NCOR2: variants seen among roughly 807,000 people sequenced by gnomAD.
The protein encoded by NCOR2 is CTG repeat protein 26.
NCOR2 carries 81 observed loss-of-function variants against 262.9 expected under a neutral mutation model. That is an observed-to-expected ratio of 0.31 (90% CI 0.26 to 0.37). The LOEUF (loss-of-function observed/expected upper bound fraction) is 0.37. NCOR2 is among the 10% of genes least tolerant of loss of function. The pLI, the probability that NCOR2 is intolerant of heterozygous loss-of-function variation, is 1.00. For synonymous variants in NCOR2, 1,659 were observed against 1,559.3 expected, an observed-to-expected ratio of 1.06 and a Z score of -1.51; for missense variants, 3,385 against 3,621.4, an observed-to-expected ratio of 0.93 and a Z score of 1.68.
intron 13 of NCOR2, among the ~76,000 whole-genome samples, chr12:124,415,944 A>G (rs1037938462): frequency 3.3e-5 from 5 of 152,016 alleles, no homozygotes. Flanking sequence ...AGCAAGTAAG[A>G]GTTGTGTGGC....
intron 40 of NCOR2, 29 bp downstream of exon 42, chr12:124,335,106 A>G: frequency 6.2e-7 from 1 of 1,612,290 alleles, no homozygotes; most frequent in Non-Finnish European, 8.5e-7. Flanking sequence ...TGCAAAGGTG[A>G]CAAGCAGCAG....
intron 41 of NCOR2, among the ~76,000 whole-genome samples, chr12:124,333,790 G>T (rs1239909289): frequency 1.3e-5 from 2 of 152,222 alleles, no homozygotes; most frequent in Non-Finnish European, 2.9e-5. Context: ...GAGTGGGAGT[G>T]TGCGTGAGCA....
At chr12:124,348,261 G>A (rs2037112550) in exon 29 of NCOR2, 4 of 1,613,194 alleles carry the variant, frequency 2.5e-6, no homozygotes, top group Non-Finnish European at 3.4e-6. Flanking sequence ...TCATGGGGGG[G>A]TCCTGAGCTG....
In NCOR2 at chr12:124,327,229, T is replaced by C. The variant is rs546355259; in HGVS notation, c.7183+180A>G. Among the ~76,000 whole-genome samples, 63 of 151,914 alleles carry C rather than the reference T, an allele frequency of 4.1e-4. 1 individual carries two copies. Among genetic ancestry groups the C allele is most frequent in the African/African-American group, 1.4e-3 (57 of 41,420 alleles). On this transcript the variant is annotated intron_variant, in intron 45 of 46. Transcript: ENST00000405201. ...GCTGGGGGGCAGAGGGTACAGACACTTGGGGGGTGTCAGCCCAGCTTCAGA... is the reference window on the plus strand; with the variant it reads ...GCTGGGGGGCAGAGGGTACAGACACCTGGGGGGTGTCAGCCCAGCTTCAGA...
chr12:124,336,483 A>G (rs1593106060), intron 38 of NCOR2: 2 of 638,376 alleles, frequency 3.1e-6, no homozygotes, highest in Non-Finnish European at 4.4e-6. Flanking sequence ...GCGCGGCCGG[A>G]GTAGTCGTCA....
chr12:124,440,103 G>A lies in NCOR2; in HGVS notation c.816-2107C>T, dbSNP rs1052619953. Among the ~76,000 whole-genome samples the A allele has an allele frequency of 1.3e-5, 2 of 152,156 alleles. No individual in the cohort carries two copies. Among genetic ancestry groups the A allele is most frequent in the African/African-American group, 4.8e-5 (2 of 41,432 alleles). On this transcript the variant is annotated intron_variant, in intron 7 of 46. Transcript: ENST00000405201. This position sits in a 1 kb window ranked among gnomAD's most constrained non-coding sequence, Gnocchi z 5.7. ...GCCACAGCGACCTCAGGAGCCTGCTGTGCACCTTAACTTGCTGTCTGTCCC... is the reference window on the plus strand; with the variant it reads ...GCCACAGCGACCTCAGGAGCCTGCTATGCACCTTAACTTGCTGTCTGTCCC...
chr12:124,420,104 C>A, intron 12 of NCOR2, 49 bp from the exon 15 acceptor site: 1 of 1,515,174 alleles, frequency 6.6e-7, no homozygotes, highest in South Asian at 1.1e-5. Context: ...CACAGGCATT[C>A]AGGGCAGGAG....
intron 3 of NCOR2, among the ~76,000 whole-genome samples, chr12:124,474,228 C>T (rs1353370204): frequency 6.6e-6 from 1 of 152,270 alleles, no homozygotes; most frequent in African/African-American, 2.4e-5. Flanking sequence ...GCAGCCAACA[C>T]ACACGTGGCT....
chr12:124,345,608 G>T (rs750529049), intron 31 of NCOR2, among the ~76,000 whole-genome samples: 1 of 152,196 alleles, frequency 6.6e-6, no homozygotes, highest in South Asian at 2.1e-4. Context: ...CATTACTGTC[G>T]TAAGAAGGGG....
chr12:124,466,149 G>A, intron 5 of NCOR2, 24 bp downstream of exon 7: 2 of 1,586,126 alleles, frequency 1.3e-6, no homozygotes, highest in Admixed American at 1.7e-5. Flanking sequence ...CCGGGGGGCA[G>A]CAGGCCAGGG....
chr12:124,463,478 C>T (rs1195045296), intron 5 of NCOR2, among the ~76,000 whole-genome samples: 1 of 152,232 alleles, frequency 6.6e-6, no homozygotes, highest in Non-Finnish European at 1.5e-5. Flanking sequence ...CCGGCCCCCA[C>T]CCACGCAGGC....
chr12:124,407,010 G>C (rs1262839734), intron 13 of NCOR2, among the ~76,000 whole-genome samples: 2 of 151,926 alleles, frequency 1.3e-5, no homozygotes, highest in African/African-American at 4.8e-5. Flanking sequence ...TGCAAAGACA[G>C]AGGGAGTTTA....
Position 124,549,657 on chromosome 12 carries a change from A to T in NCOR2, c.-164-14046T>A, listed in dbSNP as rs2051651097. Reference sequence around the variant, plus strand: ...CACTGCAACCCAGGAGGTAAATGCTATTACGAACACCCTTCTCCAGATGGG... The same window carrying T: ...CACTGCAACCCAGGAGGTAAATGCTTTTACGAACACCCTTCTCCAGATGGG... On this transcript the variant is annotated intron_variant, in intron 1 of 32. Coordinates refer to the NCOR2 transcript ENST00000458234. This position sits in a 1 kb window ranked among gnomAD's most constrained non-coding sequence, Gnocchi z 4.4. Among the ~76,000 whole-genome samples, 1 of 152,134 alleles carries T rather than the reference A, an allele frequency of 6.6e-6. No homozygotes were observed. Among genetic ancestry groups the T allele is most frequent in the Non-Finnish European group, 1.5e-5 (1 of 68,016 alleles).
At chr12:124,370,012 C>T (rs2039361648) in intron 20 of NCOR2, among the ~76,000 whole-genome samples, 2 of 152,322 alleles carry the variant, frequency 1.3e-5, no homozygotes, top group South Asian at 2.1e-4. Context: ...GCCCCATGAC[C>T]TCAGCGGTCC....
At position 124,422,490 on chromosome 12, in the gene NCOR2, C is replaced by T. The variant is rs753904442; in HGVS notation, c.1383+11G>A. Reference sequence around the variant, plus strand: ...GGAGACCGAAGGGGTATGGGGCGGGCAGCGACTCACCTTCCTCTCCAGGAA... The same window carrying T: ...GGAGACCGAAGGGGTATGGGGCGGGTAGCGACTCACCTTCCTCTCCAGGAA... On this transcript the variant is annotated intron_variant, in intron 12 of 46. Coordinates refer to ENST00000405201, the Ensembl canonical transcript of NCOR2. The T allele has an allele frequency of 9.9e-6, 16 of 1,613,842 alleles. No homozygotes were observed. The South Asian group carries it at 1.3e-4, about 13-fold the overall frequency.
intron 22 of NCOR2, among the ~76,000 whole-genome samples, chr12:124,361,785 T>G (rs946118481): frequency 6.6e-6 from 1 of 152,168 alleles, no homozygotes; most frequent in African/African-American, 2.4e-5. Flanking sequence ...TTTGAAAATT[T>G]TGAGAAGTTG....
chr12:124,483,958 G>T lies in NCOR2; in HGVS notation c.234-185C>A, dbSNP rs937326985. Among the ~76,000 whole-genome samples, 10 of 152,174 alleles carry T rather than the reference G, an allele frequency of 6.6e-5. No homozygotes were observed. The highest frequency in any genetic ancestry group is 4.4e-5 in the Non-Finnish European group (3 of 68,016). ...CAGGGCAGGACTCCAATGCAGCGCT[G>T]CCTTCCTTCAGGTCCACATTCACCG... On this transcript the variant is annotated intron_variant, in intron 2 of 46. Transcript: ENST00000405201. This position sits in a 1 kb window ranked among gnomAD's most constrained non-coding sequence, Gnocchi z 6.3.
upstream of NCOR2, chr12:124,567,521 G>A (rs1179277877): frequency 2.7e-5 from 4 of 146,568 alleles, no homozygotes; most frequent in East Asian, 3.9e-4. Context: ...CGCGGGCGCA[G>A]GGCTCGGGCG....
chr12:124,346,870 G>A lies in NCOR2; in HGVS notation c.4073-20C>T. The A allele has an allele frequency of 6.5e-7, 1 of 1,531,956 alleles. No individual in the cohort carries two copies. Among genetic ancestry groups the A allele is most frequent in the East Asian group, 2.4e-5 (1 of 41,978 alleles). The allele number at this position is 1,531,956 out of a possible 1,614,324, so 94.9% of individuals were successfully genotyped here. A position where few individuals can be genotyped will look rare whatever the true frequency, so the allele number is the denominator to read the frequency against. On this transcript the variant is annotated intron_variant, in intron 30 of 46. Coordinates refer to ENST00000405201, the Ensembl canonical transcript of NCOR2. ...GGATCCCTGCCGGGCCGACAGCACT[G>A]ACCCTCACGCCCCGCCCCACCCAGA...
Sources: gnomAD v4.1 joint callset for allele counts (sites outside exome capture counted in the v4.1 genomes callset) on GRCh38, gnomAD v4.1.1 for gene constraint, Gnocchi (gnomAD v3.1) non-coding constraint, MANE v1.5 for transcripts, NCBI Gene and HGNC (gene_info 2026-07-23, HGNC 2026-07-21) for gene names.